The following CACHD1 variants were observed in gnomAD, a reference collection of about 807,000 sequenced individuals.
CACHD1 encodes the protein VWFA and cache domain-containing protein 1.
A neutral mutation model predicts 138.7 loss-of-function variants in CACHD1; 71 were observed. The observed-to-expected ratio is 0.51, with a 90% CI of 0.42 to 0.62. CACHD1 has a LOEUF of 0.62. Ranked by LOEUF, CACHD1 falls within the 20% of genes least tolerant of loss-of-function variation. CACHD1 has a pLI of 0.00. For missense variants in CACHD1, 1,389 were observed against 1,625.3 expected (o/e 0.85, Z 2.50); for synonymous variants, 578 against 591.5 (o/e 0.98, Z 0.33).
intron 1 of CACHD1, among the ~76,000 whole-genome samples, chr1:64,532,195 G>A (rs1422046504): frequency 6.6e-6 from 1 of 152,166 alleles, no homozygotes; most frequent in Non-Finnish European, 1.5e-5. Context: ...GAGACTCTTC[G>A]AGTGGTTCTC....
intron 2 of CACHD1, among the ~76,000 whole-genome samples, chr1:64,577,873 T>C (rs1410561770): frequency 6.6e-6 from 1 of 152,168 alleles, no homozygotes; most frequent in Non-Finnish European, 1.5e-5. Flanking sequence ...TTTCTGTCTC[T>C]ATTGATGAAG....
At chr1:64,486,394 A>G (rs1440272201) in intron 1 of CACHD1, among the ~76,000 whole-genome samples, 1 of 143,578 alleles carries the variant, frequency 7.0e-6, no homozygotes, top group Non-Finnish European at 1.6e-5. Flanking sequence ...ACACACACAT[A>G]CACATACACA....
chr1:64,585,898 A>G (rs1287486532), intron 3 of CACHD1, among the ~76,000 whole-genome samples: 1 of 152,218 alleles, frequency 6.6e-6, no homozygotes, highest in Non-Finnish European at 1.5e-5. Context: ...GGAACTCCTC[A>G]GTTTTTTAAT....
chr1:64,666,872 A>AAAAAAAAAAAGAG (rs146557306), intron 16 of CACHD1, among the ~76,000 whole-genome samples: 1 of 138,022 alleles, frequency 7.2e-6, no homozygotes, highest in African/African-American at 2.9e-5. Flanking sequence ...AAAAAAAAAA[A>AAAAAAAAAAAGAG]CGAGAAAGAA....
At chr1:64,545,677 T>A (rs1373742223) in intron 1 of CACHD1, among the ~76,000 whole-genome samples, 1 of 152,238 alleles carries the variant, frequency 6.6e-6, no homozygotes, top group Non-Finnish European at 1.5e-5. Flanking sequence ...TTGTGTACTG[T>A]ACTTGTCTTT....
chr1:64,653,260 G>GA (rs1649154628), intron 10 of CACHD1, among the ~76,000 whole-genome samples: 1 of 151,478 alleles, frequency 6.6e-6, no homozygotes, highest in Admixed American at 6.6e-5. Flanking sequence ...GAGAGGAGCA[G>GA]AAAAAATAAC....
In CACHD1 at chr1:64,612,275, G is replaced by GT. The variant is rs201777282; in HGVS notation, c.517+9370dup. The stretch of plus-strand genomic sequence containing the variant: ...TTAATACAAAGTATCTCTAATAGAA[G>GT]TTTTTTTATAGGATTCCATATATCA... On this transcript the variant is annotated intron_variant, in intron 4 of 26. Transcript: ENST00000651257. 9.7e-4 allele frequency among the ~76,000 whole-genome samples: 147 copies of GT among 152,242 alleles called. No homozygotes were observed. The East Asian group carries it at 0.021, about 22-fold the overall frequency.
chr1:64,602,874 A>G lies in CACHD1; in HGVS notation c.479A>G (p.Asn160Ser), dbSNP rs752623290. Residue 160 changes from asparagine (N) to serine (S), a missense_variant, in exon 4 of 27, where the codon AAT (asparagine) becomes AGT (serine). By Grantham distance (46) the Asn-to-Ser change is conservative. Around this residue, in one of 5 missense-constraint regions of CACHD1, gnomAD observed 1,000 missense variants for 1,114.7 expected, o/e 0.90. Transcript: ENST00000651257. ...ISCDRLSTTV[N>S]SRAFNPGRDL... ...TGTGATCGACTTTCTACTACTGTTA[A>G]TAGCCGGGCCTTCAATCCAGGACGA... 13 of 1,613,594 alleles carry G rather than the reference A, an allele frequency of 8.1e-6. No individual in the cohort carries two copies. The South Asian group carries it at 1.1e-4, about 14-fold the overall frequency.
rs918515292 is a variant in CACHD1, at chr1:64,609,674, G to A, written c.517+6762G>A. ...ATATATACATATATACACAACATAT[G>A]TATATAAATACAAATATATATACAC... On this transcript the variant is annotated intron_variant, in intron 4 of 26. Coordinates refer to ENST00000651257, the MANE Select transcript of CACHD1 (RefSeq NM_020925.4). 1.2e-4 allele frequency among the ~76,000 whole-genome samples: 18 copies of A among 152,112 alleles called. No homozygotes were observed. In the South Asian group the frequency reaches 3.3e-3, roughly 28 times the overall value.
At chr1:64,522,276 A>C (rs569023445) in intron 1 of CACHD1, among the ~76,000 whole-genome samples, 8 of 151,188 alleles carry the variant, frequency 5.3e-5, no homozygotes, top group African/African-American at 1.4e-4. Context: ...ATGGGTTGAA[A>C]CAAGTTCTTT....
intron 8 of CACHD1, among the ~76,000 whole-genome samples, chr1:64,643,082 G>T (rs114220492): frequency 0.019 from 2,330 of 120,852 alleles, 76 homozygotes; most frequent in African/African-American, 0.067. Context: ...GCCATGTCTT[G>T]ATCAAGCAGT....
At chr1:64,665,673 A>G (rs1649606029) in intron 15 of CACHD1, among the ~76,000 whole-genome samples, 1 of 152,186 alleles carries the variant, frequency 6.6e-6, no homozygotes, top group African/African-American at 2.4e-5. Context: ...TTTTAGACTT[A>G]TAAGCTCACT....
At chr1:64,575,365 C>T (rs1646958926) in intron 2 of CACHD1, among the ~76,000 whole-genome samples, 1 of 152,084 alleles carries the variant, frequency 6.6e-6, no homozygotes, top group South Asian at 2.1e-4. Flanking sequence ...ATATGATGTG[C>T]AACATGAAAC....
chr1:64,615,071 C>T (rs1420279769), intron 4 of CACHD1, among the ~76,000 whole-genome samples: 1 of 152,280 alleles, frequency 6.6e-6, no homozygotes, highest in African/African-American at 2.4e-5. Context: ...CCTTTCATTT[C>T]TTCAGAATCA....
At chr1:64,680,875 T>C (rs1650150704) in intron 24 of CACHD1, among the ~76,000 whole-genome samples, 1 of 152,246 alleles carries the variant, frequency 6.6e-6, no homozygotes. Context: ...ATGACCGTCA[T>C]CCAGTGTTAG....
chr1:64,501,125 A>T (rs888444323), intron 1 of CACHD1, among the ~76,000 whole-genome samples: 6 of 152,050 alleles, frequency 3.9e-5, no homozygotes, highest in Non-Finnish European at 7.4e-5. Flanking sequence ...ACAGTTTATT[A>T]TAATTATTAT....
intron 26 of CACHD1, among the ~76,000 whole-genome samples, chr1:64,683,165 A>G (rs1353510466): frequency 6.6e-6 from 1 of 152,228 alleles, no homozygotes; most frequent in East Asian, 1.9e-4. Flanking sequence ...AAATAAGAGC[A>G]GCTAAAGCTC....
At chr1:64,604,384 G>A (rs1647276252) in intron 4 of CACHD1, among the ~76,000 whole-genome samples, 1 of 152,118 alleles carries the variant, frequency 6.6e-6, no homozygotes, top group Non-Finnish European at 1.5e-5. Flanking sequence ...ACAAAAGAGG[G>A]TAGACAAGGG....
At chr1:64,527,357 C>T (rs1171038523) in intron 1 of CACHD1, among the ~76,000 whole-genome samples, 1 of 152,214 alleles carries the variant, frequency 6.6e-6, no homozygotes. Flanking sequence ...CCACCACATT[C>T]TCTTTGATGT....
Sources: allele counts gnomAD v4.1 joint callset (sites outside exome capture counted in the v4.1 genomes callset), GRCh38; gene constraint gnomAD v4.1.1; regional missense constraint gnomAD v4.1.1; transcripts MANE v1.5; gene names NCBI Gene and HGNC (gene_info 2026-07-23, HGNC 2026-07-21).